Variants in TAFA2 observed in about 807,000 individuals in gnomAD.
TAFA2 encodes chemokine-like protein TAFA-2.
A neutral mutation model predicts 18.8 loss-of-function variants in TAFA2; 7 were observed. The observed-to-expected ratio is 0.37, with a 90% confidence interval of 0.21 to 0.70. The LOEUF (loss-of-function observed/expected upper bound fraction) is 0.70, where lower values mean the gene tolerates loss of function less well. TAFA2 is among the 30% of genes least tolerant of loss of function. The probability of loss-of-function intolerance (pLI) is 0.53; values close to 1 mark genes in which losing one functional copy is unlikely to be tolerated. For missense variants in TAFA2, 122 were observed against 158.1 expected (o/e 0.77, Z 1.23); for synonymous variants, 60 against 54.2 (o/e 1.11, Z -0.47).
intron 4 of TAFA2, among the ~76,000 whole-genome samples, chr12:61,724,778 T>G (rs1870067565): frequency 1.9e-5 from 2 of 104,944 alleles, no homozygotes; most frequent in Admixed American, 8.7e-5. Flanking sequence ...TGTGTGTGTG[T>G]GTGTGTGTGT....
intron 2 of TAFA2, among the ~76,000 whole-genome samples, chr12:61,866,139 A>AAT (rs201530990): frequency 1.3e-5 from 2 of 152,066 alleles, no homozygotes; most frequent in South Asian, 4.1e-4. Context: ...AAAATATATG[A>AAT]ATATATATAT....
intron 1 of TAFA2, among the ~76,000 whole-genome samples, chr12:61,926,481 C>G (rs1445859595): frequency 6.6e-6 from 1 of 152,108 alleles, no homozygotes; most frequent in African/African-American, 2.4e-5. Context: ...AGTAGCACAT[C>G]AAAAAGCTTA....
At chr12:62,147,322 GTATGTATA>G (rs1322723342) in intron 1 of TAFA2, among the ~76,000 whole-genome samples, 1,383 of 49,204 alleles carry the variant, frequency 0.028, 38 homozygotes, top group South Asian at 0.047. Context: ...GTGTGTGTAT[GTATGTATA>G]TATATATATA....
intron 2 of TAFA2, among the ~76,000 whole-genome samples, chr12:61,813,103 A>G (rs1361983548): frequency 6.6e-6 from 1 of 151,432 alleles, no homozygotes; most frequent in Non-Finnish European, 1.5e-5. Flanking sequence ...GCTAGATCAT[A>G]ATATATCTAA....
chr12:62,129,257 T>A (rs1281959199), intron 1 of TAFA2, among the ~76,000 whole-genome samples: 2 of 152,100 alleles, frequency 1.3e-5, no homozygotes, highest in Non-Finnish European at 2.9e-5. Context: ...CTGAGAGAAG[T>A]ACTCTTTCAA....
chr12:62,078,674 CAAG>C (rs1337480070), intron 1 of TAFA2, among the ~76,000 whole-genome samples: 1 of 152,214 alleles, frequency 6.6e-6, no homozygotes, highest in East Asian at 1.9e-4. Flanking sequence ...CTTAAAATGA[CAAG>C]AGCTTAGCCC....
intron 1 of TAFA2, among the ~76,000 whole-genome samples, chr12:62,039,175 T>TCATC (rs2136756938): frequency 6.6e-6 from 1 of 152,316 alleles, no homozygotes; most frequent in Non-Finnish European, 1.5e-5. Context: ...ACAAAAGCAT[T>TCATC]CATCCATTGG....
intron 2 of TAFA2, among the ~76,000 whole-genome samples, chr12:61,842,192 GA>G (rs996495511): frequency 1.3e-5 from 2 of 151,678 alleles, no homozygotes; most frequent in African/African-American, 4.8e-5. Flanking sequence ...ATGCACACGG[GA>G]AAAAATAGGA....
intron 4 of TAFA2, among the ~76,000 whole-genome samples, chr12:61,724,781 GTGTGT>G (rs1302913243): frequency 2.3e-4 from 22 of 97,656 alleles, no homozygotes; most frequent in African/African-American, 2.8e-4. Flanking sequence ...GTGTGTGTGT[GTGTGT>G]GTGTGTGTGT....
intron 1 of TAFA2, among the ~76,000 whole-genome samples, chr12:61,908,120 T>C (rs563774706): frequency 6.6e-6 from 1 of 152,240 alleles, no homozygotes; most frequent in Admixed American, 6.5e-5. Context: ...TGGGGGACTG[T>C]TGGGAAGGCA....
intron 1 of TAFA2, among the ~76,000 whole-genome samples, chr12:62,066,126 CGTGTGTGT>C (rs3221978): frequency 6.9e-6 from 1 of 145,466 alleles, no homozygotes; most frequent in Non-Finnish European, 1.5e-5. Flanking sequence ...CTGAAACAGC[CGTGTGTGT>C]GTGTGTGTGT....
rs141355313 is a variant in TAFA2, at chr12:61,760,645, G to C, written c.107-5621C>G. On this transcript the variant is annotated intron_variant, in intron 2 of 4. Coordinates refer to ENST00000416284, the MANE Select transcript of TAFA2 (RefSeq NM_178539.5). ...TAATTCCTGTGGTTTTTCTTTAAAAGGTTAATGAGACGGGAGGAAATTCAA... is the reference window on the plus strand; with the variant it reads ...TAATTCCTGTGGTTTTTCTTTAAAACGTTAATGAGACGGGAGGAAATTCAA... Among the ~76,000 whole-genome samples the C allele has an allele frequency of 8.2e-3, 1,239 of 151,692 alleles. 10 individuals are homozygous for C. The highest frequency in any genetic ancestry group is 0.026 in the African/African-American group (1,082 of 41,436).
At chr12:62,223,001 T>C (rs1308496373) in intron 1 of TAFA2, among the ~76,000 whole-genome samples, 3 of 152,122 alleles carry the variant, frequency 2.0e-5, no homozygotes, top group East Asian at 3.9e-4. Context: ...TAAAATGATA[T>C]TAAAGGACAA....
intron 1 of TAFA2, chr12:62,021,622 T>G (rs1290618098): frequency 9.0e-7 from 1 of 1,114,682 alleles, no homozygotes; most frequent in East Asian, 2.4e-5. Context: ...CCCACCCTTC[T>G]GTTCTGAGAT....
intron 2 of TAFA2, among the ~76,000 whole-genome samples, chr12:61,821,928 G>A (rs1215092183): frequency 6.6e-6 from 1 of 151,968 alleles, no homozygotes; most frequent in Non-Finnish European, 1.5e-5. Context: ...GGAGTAAACT[G>A]AAATAATTAG....
At position 61,709,005 on chromosome 12, in the gene TAFA2, C is replaced by G. The variant is rs1055096216; in HGVS notation, c.*1401G>C. ...ATTTTTGAAGCATCTTCTGAACAGC[C>G]TAAAATGAGTAAAACACAGAAATCC... On this transcript the variant is annotated 3_prime_UTR_variant, in exon 5 of 5. Transcript: ENST00000416284. 1.3e-5 allele frequency: 2 copies of G among 152,458 alleles called. No individual in the cohort carries two copies. The highest frequency in any genetic ancestry group is 2.4e-5 in the African/African-American group (1 of 41,420). 9.4% of individuals were successfully genotyped at this position (152,458 alleles called of 1,614,324 possible). A position where few individuals can be genotyped will look rare whatever the true frequency, so the allele number is the denominator to read the frequency against.
chr12:62,129,599 A>G (rs1369713855), intron 1 of TAFA2, among the ~76,000 whole-genome samples: 1 of 152,028 alleles, frequency 6.6e-6, no homozygotes, highest in Admixed American at 6.6e-5. Context: ...GCTCACTGTC[A>G]TCTTGTAATT....
intron 1 of TAFA2, among the ~76,000 whole-genome samples, chr12:61,970,803 T>G (rs990946185): frequency 1.3e-5 from 2 of 148,802 alleles, no homozygotes; most frequent in African/African-American, 2.5e-5. Context: ...ATGGTCACAT[T>G]GAGAGTGGTA....
In TAFA2 at chr12:61,834,747, C is replaced by T. The variant is rs114754528; in HGVS notation, c.106+32573G>A. ...CTGTAAGACATATCTAGCTAGAATC[C>T]TATCAACAGTTGATTTTATTATTGG... On this transcript the variant is annotated intron_variant, in intron 2 of 4. Coordinates refer to ENST00000416284, the MANE Select transcript of TAFA2 (RefSeq NM_178539.5). 4.0e-3 allele frequency among the ~76,000 whole-genome samples: 609 copies of T among 152,066 alleles called. 4 individuals carry two copies. Among genetic ancestry groups the T allele is most frequent in the African/African-American group, 0.014 (576 of 41,510 alleles).
Sources: allele counts gnomAD v4.1 joint callset (sites outside exome capture counted in the v4.1 genomes callset), GRCh38; gene constraint gnomAD v4.1.1; transcripts MANE v1.5; gene names NCBI Gene and HGNC (gene_info 2026-07-23, HGNC 2026-07-21).